PDE1C: variants seen among roughly 807,000 people sequenced by gnomAD.
PDE1C encodes dual specificity calcium/calmodulin-dependent 3',5'-cyclic nucleotide phosphodiesterase 1C.
In PDE1C, 62 loss-of-function variants were observed where a neutral mutation model predicts 93.1. That is an observed-to-expected ratio of 0.67 (90% CI 0.54 to 0.82). The LOEUF (loss-of-function observed/expected upper bound fraction) is 0.82. Among genes scored for constraint, PDE1C ranks in the 40% least tolerant of loss-of-function variants. The pLI, the probability that PDE1C is intolerant of heterozygous loss-of-function variation, is 0.00. For synonymous variants in PDE1C, 325 were observed against 310.1 expected, an observed-to-expected ratio of 1.05 and a Z score of -0.50; for missense variants, 742 against 884.6, an observed-to-expected ratio of 0.84 and a Z score of 2.04.
At chr7:32,061,986 G>A (rs969487970) in intron 1 of PDE1C, among the ~76,000 whole-genome samples, 9 of 152,094 alleles carry the variant, frequency 5.9e-5, no homozygotes, top group Non-Finnish European at 7.4e-5. Flanking sequence ...TTGCTGGGCT[G>A]TAGATTATAT....
At chr7:32,402,142 G>T (rs1784957171) in intron 1 of PDE1C, among the ~76,000 whole-genome samples, 1 of 151,962 alleles carries the variant, frequency 6.6e-6, no homozygotes, top group Non-Finnish European at 1.5e-5. Flanking sequence ...GATCTGTCTG[G>T]CTCCAAATTC....
chr7:31,970,033 C>A (rs1037135524), intron 2 of PDE1C, among the ~76,000 whole-genome samples: 3 of 151,958 alleles, frequency 2.0e-5, no homozygotes, highest in Non-Finnish European at 4.4e-5. Flanking sequence ...AGGAGATATA[C>A]CTAATGCTAA....
At chr7:32,289,479 C>T (rs1019022291) in intron 1 of PDE1C, among the ~76,000 whole-genome samples, 4 of 152,176 alleles carry the variant, frequency 2.6e-5, no homozygotes, top group Admixed American at 2.6e-4. Context: ...TATCAATTCA[C>T]ATTTTGTTTT....
At chr7:31,636,078 C>T in the PDE1C span, among the ~76,000 whole-genome samples, 3 of 152,210 alleles carry the variant, frequency 2.0e-5, no homozygotes, top group East Asian at 5.8e-4. Context: ...AGGGGAAATG[C>T]CAGATGCTTA....
At chr7:32,334,398 TTAAA>T (rs1783572511) in intron 1 of PDE1C, among the ~76,000 whole-genome samples, 1 of 152,222 alleles carries the variant, frequency 6.6e-6, no homozygotes, top group African/African-American at 2.4e-5. Flanking sequence ...AGGATATTAA[TTAAA>T]TAAAGTATGG....
intron 1 of PDE1C, chr7:32,298,566 C>A (rs1470670338): frequency 3.3e-6 from 5 of 1,496,884 alleles, no homozygotes; most frequent in Non-Finnish European, 4.5e-6. Context: ...TGAGCTCCCC[C>A]TGCCCGCTTA....
At chr7:31,761,849 A>G (rs564645958) in intron 17 of PDE1C, among the ~76,000 whole-genome samples, 8 of 152,352 alleles carry the variant, frequency 5.3e-5, no homozygotes, top group Admixed American at 3.9e-4. Context: ...GAAGCTGGCC[A>G]GATTCAGTTC....
At chr7:32,043,578 T>C (rs1012908566) in intron 2 of PDE1C, among the ~76,000 whole-genome samples, 1 of 152,108 alleles carries the variant, frequency 6.6e-6, no homozygotes, top group African/African-American at 2.4e-5. Context: ...ATATCAAATA[T>C]TCAGAATGAT....
At chr7:31,979,960 A>G (rs556540789) in intron 2 of PDE1C, among the ~76,000 whole-genome samples, 1 of 152,296 alleles carries the variant, frequency 6.6e-6, no homozygotes, top group East Asian at 1.9e-4. Flanking sequence ...GGTGAGAAAT[A>G]ACATGTAAAT....
chr7:31,942,039 T>C (rs1464336596), intron 2 of PDE1C, among the ~76,000 whole-genome samples: 1 of 152,186 alleles, frequency 6.6e-6, no homozygotes, highest in African/African-American at 2.4e-5. Flanking sequence ...GTGAAACAGG[T>C]ACCTACTCAC....
At chr7:32,115,470 G>T (rs1324409270) in intron 3 of PDE1C, among the ~76,000 whole-genome samples, 1 of 152,068 alleles carries the variant, frequency 6.6e-6, no homozygotes, top group African/African-American at 2.4e-5. Flanking sequence ...GCCTGTTGAG[G>T]GGAGGGGAGT....
intron 2 of PDE1C, among the ~76,000 whole-genome samples, chr7:31,905,810 A>G (rs976282852): frequency 1.3e-5 from 2 of 152,132 alleles, no homozygotes; most frequent in Non-Finnish European, 2.9e-5. Flanking sequence ...GGAACCTGGT[A>G]GGAGGTAATC....
chr7:32,249,404 T>G lies in PDE1C; in HGVS notation c.86-39865A>C, dbSNP rs936514103. ...TCTGCTGAGCAGTAAGGTCCAACCT[T>G]CACTTGGATCAGGGATATGGCATCA... On this transcript the variant is annotated intron_variant, in intron 1 of 18. Coordinates refer to the PDE1C transcript ENST00000396193. Among the ~76,000 whole-genome samples the G allele has an allele frequency of 2.0e-5, 3 of 152,014 alleles. No individual in the cohort carries two copies. The East Asian group carries it at 5.9e-4, about 30-fold the overall frequency.
At chr7:32,403,652 C>T (rs1189369599) in intron 1 of PDE1C, among the ~76,000 whole-genome samples, 1 of 152,174 alleles carries the variant, frequency 6.6e-6, no homozygotes, top group Non-Finnish European at 1.5e-5. Context: ...TCACCCTTCT[C>T]CAATCATCCT....
At chr7:31,944,610 T>G (rs2129005080) in intron 2 of PDE1C, among the ~76,000 whole-genome samples, 1 of 152,346 alleles carries the variant, frequency 6.6e-6, no homozygotes, top group East Asian at 1.9e-4. Context: ...TTATAACTTT[T>G]TGCTCTTACA....
the PDE1C span, among the ~76,000 whole-genome samples, chr7:31,713,043 G>A: frequency 1.3e-5 from 2 of 152,104 alleles, no homozygotes; most frequent in Non-Finnish European, 2.9e-5. Context: ...AACCAATCAT[G>A]TCTTTTCAAC....
At chr7:32,306,660 G>A (rs1214312210) in intron 1 of PDE1C, among the ~76,000 whole-genome samples, 3 of 152,188 alleles carry the variant, frequency 2.0e-5, no homozygotes, top group Non-Finnish European at 4.4e-5. Context: ...ATACTTCAGT[G>A]ACTCCCTGTC....
intron 16 of PDE1C, among the ~76,000 whole-genome samples, chr7:31,792,108 G>T (rs905603922): frequency 2.0e-5 from 3 of 152,078 alleles, no homozygotes; most frequent in Admixed American, 2.0e-4. Context: ...GGTCTGTGAC[G>T]TGATGACCTG....
intron 2 of PDE1C, among the ~76,000 whole-genome samples, chr7:32,040,257 C>G (rs1791636260): frequency 6.6e-6 from 1 of 152,134 alleles, no homozygotes; most frequent in Non-Finnish European, 1.5e-5. Flanking sequence ...TTACAACAAA[C>G]CCACAAGGTA....
Sources: gnomAD v4.1 joint callset for allele counts (sites outside exome capture counted in the v4.1 genomes callset) on GRCh38, gnomAD v4.1.1 for gene constraint, MANE v1.5 for transcripts, NCBI Gene and HGNC (gene_info 2026-07-23, HGNC 2026-07-21) for gene names.